Variants in PCDH15 observed in about 807,000 individuals in gnomAD.
PCDH15 encodes protocadherin related 15, also known as protocadherin-15.
Under a neutral mutation model 178.5 loss-of-function variants are expected in PCDH15, and 129 were observed. The ratio of observed to expected loss-of-function variants is 0.72; its 90% CI spans 0.63 to 0.84. The LOEUF is 0.84. Among genes scored for constraint, PCDH15 ranks in the 40% least tolerant of loss-of-function variants. The pLI, the probability that PCDH15 is intolerant of heterozygous loss-of-function variation, is 0.00. For synonymous variants in PCDH15, 800 were observed against 732.0 expected (o/e 1.09, Z -1.50); for missense variants, 2,230 against 2,099.9 (o/e 1.06, Z -1.21).
chr10:55,434,305 C>T (rs1838977612), intron 2 of PCDH15, among the ~76,000 whole-genome samples: 2 of 151,920 alleles, frequency 1.3e-5, no homozygotes, highest in African/African-American at 2.4e-5. Context: ...ATCCGCCCTC[C>T]TTGGCCTCCC....
intron 2 of PCDH15, among the ~76,000 whole-genome samples, chr10:54,559,062 T>C (rs1396991296): frequency 5.3e-5 from 8 of 152,084 alleles, no homozygotes; most frequent in African/African-American, 1.9e-4. Context: ...TTGTGAAATC[T>C]CGGGGAAGAC....
chr10:55,024,088 TATAG>T (rs1840410762), intron 2 of PCDH15, among the ~76,000 whole-genome samples: 1 of 126,606 alleles, frequency 7.9e-6, no homozygotes, highest in Admixed American at 8.1e-5. Flanking sequence ...TATATATATA[TATAG>T]GAAGGAATAT....
chr10:54,921,596 T>C (rs989880754), intron 2 of PCDH15, among the ~76,000 whole-genome samples: 1 of 152,186 alleles, frequency 6.6e-6, no homozygotes, highest in African/African-American at 2.4e-5. Flanking sequence ...TGTTTGTCTG[T>C]TACTGCCCTA....
At chr10:54,088,361 T>A (rs532997090) in intron 16 of PCDH15, among the ~76,000 whole-genome samples, 1 of 152,308 alleles carries the variant, frequency 6.6e-6, no homozygotes, top group South Asian at 2.1e-4. Flanking sequence ...TATCCTTTTT[T>A]AAAGAAATAT....
rs1054356746 is a variant in PCDH15 at position 54,480,620 on chromosome 10, T to C, written c.157+47192A>G. Among the ~76,000 whole-genome samples, 8 of 152,184 alleles carry C rather than the reference T, an allele frequency of 5.3e-5. No individual in the cohort carries two copies. In the East Asian group the frequency reaches 1.5e-3, roughly 29 times the overall value. On this transcript the variant is annotated intron_variant, in intron 3 of 37. Transcript: ENST00000644397. Reference sequence around the variant, plus strand: ...CAACCTTATCAGAGTCTAAAACTTATATGAATACATGCTGAAAGTGGATGC... The same window carrying C: ...CAACCTTATCAGAGTCTAAAACTTACATGAATACATGCTGAAAGTGGATGC...
chr10:54,194,535 GA>G (rs757573440), intron 11 of PCDH15, among the ~76,000 whole-genome samples: 5 of 151,952 alleles, frequency 3.3e-5, no homozygotes, highest in Admixed American at 6.6e-5. Context: ...CAGCAAGTAA[GA>G]AATCCAACTA....
chr10:54,105,596 T>C (rs1455337064), intron 15 of PCDH15, among the ~76,000 whole-genome samples: 1 of 152,056 alleles, frequency 6.6e-6, no homozygotes, highest in Non-Finnish European at 1.5e-5. Context: ...CTTTATTTTC[T>C]GATTAGATGG....
chr10:55,034,371 C>T (rs552818743), intron 2 of PCDH15, among the ~76,000 whole-genome samples: 12 of 152,166 alleles, frequency 7.9e-5, no homozygotes, highest in East Asian at 3.9e-4. Flanking sequence ...TAATGTGCCC[C>T]GTCACTGACA....
chr10:54,959,126 G>A (rs1838574957), intron 2 of PCDH15, among the ~76,000 whole-genome samples: 1 of 151,720 alleles, frequency 6.6e-6, no homozygotes, highest in South Asian at 2.1e-4. Context: ...ACATGAGAAG[G>A]CAGGAAGAGA....
intron 36 of PCDH15, among the ~76,000 whole-genome samples, chr10:53,811,207 A>T (rs2075851873): frequency 6.6e-6 from 1 of 152,178 alleles, no homozygotes; most frequent in Non-Finnish European, 1.5e-5. Context: ...CTTTAAACTG[A>T]TTAGATAAAA....
At chr10:54,058,010 A>G (rs1020466975) in intron 18 of PCDH15, among the ~76,000 whole-genome samples, 2 of 152,170 alleles carry the variant, frequency 1.3e-5, no homozygotes, top group Non-Finnish European at 2.9e-5. Context: ...TATTGTCCAT[A>G]TCACTATCAG....
intron 15 of PCDH15, among the ~76,000 whole-genome samples, chr10:54,108,643 G>T (rs77195003): frequency 6.6e-6 from 1 of 152,010 alleles, no homozygotes; most frequent in East Asian, 1.9e-4. Flanking sequence ...TGTGACCTAC[G>T]GTGACAATGG....
At chr10:55,360,308 G>A (rs1900490) in intron 2 of PCDH15, among the ~76,000 whole-genome samples, 83,016 of 151,660 alleles carry the variant, frequency 0.55, 23,255 homozygotes, top group African/African-American at 0.65. Flanking sequence ...TATATGATAA[G>A]ATGTTAAAAA....
chr10:55,394,018 C>G (rs1355724359), intron 2 of PCDH15, among the ~76,000 whole-genome samples: 1 of 151,908 alleles, frequency 6.6e-6, no homozygotes, highest in African/African-American at 2.4e-5. Context: ...ATATTTGTGA[C>G]CCCATTGTGT....
chr10:54,197,026 T>C (rs2049740894), intron 10 of PCDH15, among the ~76,000 whole-genome samples: 1 of 152,170 alleles, frequency 6.6e-6, no homozygotes, highest in South Asian at 2.1e-4. Context: ...CGTAATTCTA[T>C]ATAAAATTAA....
At chr10:55,091,278 T>C (rs115998180) in intron 2 of PCDH15, among the ~76,000 whole-genome samples, 299 of 152,110 alleles carry the variant, frequency 2.0e-3, no homozygotes, top group African/African-American at 7.0e-3. Context: ...TATTGAATAC[T>C]GAAAATTATC....
At chr10:54,448,152 A>T (rs2076256023) in intron 3 of PCDH15, among the ~76,000 whole-genome samples, 1 of 151,672 alleles carries the variant, frequency 6.6e-6, no homozygotes, top group Admixed American at 6.6e-5. Flanking sequence ...ATTAAAACAC[A>T]CCATTTATTA....
intron 2 of PCDH15, among the ~76,000 whole-genome samples, chr10:54,968,063 T>G (rs887969516): frequency 3.9e-5 from 6 of 152,186 alleles, no homozygotes; most frequent in Non-Finnish European, 8.8e-5. Context: ...CAACACAACC[T>G]ATAACATAAC....
intron 25 of PCDH15, among the ~76,000 whole-genome samples, chr10:53,931,662 T>A (rs1435961467): frequency 6.6e-6 from 1 of 152,208 alleles, no homozygotes; most frequent in Admixed American, 6.5e-5. Context: ...TAATATGGGC[T>A]AATATCTTTC....
Sources: gnomAD v4.1 joint callset for allele counts (sites outside exome capture counted in the v4.1 genomes callset) on GRCh38, gnomAD v4.1.1 for gene constraint, MANE v1.5 for transcripts, NCBI Gene and HGNC (gene_info 2026-07-23, HGNC 2026-07-21) for gene names.